CHIC2: variants seen among roughly 807,000 people sequenced by gnomAD.
CHIC2 encodes the protein cysteine-rich hydrophobic domain-containing protein 2.
A neutral mutation model predicts 25.9 loss-of-function variants in CHIC2; 14 were observed. The observed-to-expected ratio is 0.54, with a 90% CI of 0.36 to 0.85. CHIC2 has a LOEUF of 0.85. CHIC2 is among the 40% of genes least tolerant of loss of function. CHIC2 has a pLI of 0.01. For synonymous variants in CHIC2, 70 were observed against 72.0 expected (o/e 0.97, Z 0.14); for missense variants, 146 against 202.0 (o/e 0.72, Z 1.68).
At chr4:54,053,961 T>C (rs1438620543) in intron 1 of CHIC2, among the ~76,000 whole-genome samples, 1 of 152,138 alleles carries the variant, frequency 6.6e-6, no homozygotes, top group African/African-American at 2.4e-5. Context: ...GGGCTAATTT[T>C]TGTATTTTTA....
intron 3 of CHIC2, among the ~76,000 whole-genome samples, chr4:54,036,857 A>ATTT (rs1166026903): frequency 6.6e-6 from 1 of 151,674 alleles, no homozygotes; most frequent in East Asian, 1.9e-4. Flanking sequence ...CCACTCAGGA[A>ATTT]TTTTTACTCA....
intron 3 of CHIC2, among the ~76,000 whole-genome samples, chr4:54,027,314 T>C (rs1275306483): frequency 1.3e-5 from 2 of 152,194 alleles, no homozygotes; most frequent in African/African-American, 2.4e-5. Flanking sequence ...TTCTAGCATA[T>C]CTTTACAGTG....
intron 3 of CHIC2, among the ~76,000 whole-genome samples, chr4:54,042,715 A>T (rs1716616986): frequency 6.6e-6 from 1 of 152,164 alleles, no homozygotes; most frequent in Admixed American, 6.5e-5. Context: ...GGATCCAGAG[A>T]CGAAAAAATG....
chr4:54,056,812 A>AT (rs1206126574), intron 1 of CHIC2, among the ~76,000 whole-genome samples: 1 of 152,144 alleles, frequency 6.6e-6, no homozygotes, highest in African/African-American at 2.4e-5. Context: ...AAAAAACACA[A>AT]TTTTTTTCCT....
chr4:54,031,794 A>AT (rs1295818522), intron 3 of CHIC2, among the ~76,000 whole-genome samples: 2 of 151,684 alleles, frequency 1.3e-5, no homozygotes, highest in East Asian at 3.9e-4. Context: ...TAATTTTTGT[A>AT]TTTTTAGTAG....
intron 1 of CHIC2, chr4:54,061,057 G>T (rs1182180696): frequency 6.6e-6 from 1 of 152,064 alleles, no homozygotes; most frequent in Non-Finnish European, 1.5e-5. Flanking sequence ...TGTCAGAAAA[G>T]AATACTGATC....
At chr4:54,052,060 TTTC>T (rs1193591856) in intron 1 of CHIC2, among the ~76,000 whole-genome samples, 10 of 152,186 alleles carry the variant, frequency 6.6e-5, no homozygotes, top group East Asian at 1.9e-4. Flanking sequence ...AATGTCAGAA[TTTC>T]TTATTTGGCA....
At chr4:54,083,455 A>G in the CHIC2 span, among the ~76,000 whole-genome samples, 1 of 152,112 alleles carries the variant, frequency 6.6e-6, no homozygotes, top group African/African-American at 2.4e-5. Context: ...CATTCACTCT[A>G]TCTACAGTCT....
At chr4:54,044,243 A>G (rs1395495649) in intron 3 of CHIC2, among the ~76,000 whole-genome samples, 3 of 152,210 alleles carry the variant, frequency 2.0e-5, no homozygotes, top group East Asian at 1.9e-4. Context: ...ACAGATCAAC[A>G]AGACAGAAAG....
chr4:54,048,697 C>T (rs1560394798), intron 3 of CHIC2: 1 of 256,262 alleles, frequency 3.9e-6, no homozygotes, highest in East Asian at 7.3e-5. Context: ...TACCACACCA[C>T]TGTCAATGTA....
rs193267039 is a variant in CHIC2 at position 54,040,471 on chromosome 4, C to T, written c.330+8484G>A. Among the ~76,000 whole-genome samples, 694 of 151,948 alleles carry T rather than the reference C, an allele frequency of 4.6e-3. 5 individuals are homozygous for T. Among genetic ancestry groups the T allele is most frequent in the African/African-American group, 0.015 (629 of 41,460 alleles). The stretch of plus-strand genomic sequence containing the variant: ...ATCTCAGCACTTTGGGAGGCCGAAG[C>T]GGGCAGATCACCTGAGGTCAGGAGT... On this transcript the variant is annotated intron_variant, in intron 3 of 5. Transcript: ENST00000263921.
chr4:54,074,991 GT>G, the CHIC2 span, among the ~76,000 whole-genome samples: 1 of 152,104 alleles, frequency 6.6e-6, no homozygotes, highest in Non-Finnish European at 1.5e-5. Context: ...TGCACCTGTA[GT>G]CCCAGCTACT....
At chr4:54,042,465 C>T (rs1716607764) in intron 3 of CHIC2, among the ~76,000 whole-genome samples, 1 of 152,122 alleles carries the variant, frequency 6.6e-6, no homozygotes, top group African/African-American at 2.4e-5. Context: ...ACACCGTACA[C>T]ACTGCAACAT....
At chr4:54,049,209 T>A in intron 2 of CHIC2, 42 bp downstream of exon 2, 1 of 1,570,464 alleles carries the variant, frequency 6.4e-7, no homozygotes, top group Non-Finnish European at 8.7e-7. Flanking sequence ...AAAAAAACTT[T>A]CATTTTGAGG....
Position 54,013,902 on chromosome 4 carries a change from C to A in CHIC2, c.388-6G>T. On this transcript the variant is annotated splice_polypyrimidine_tract_variant and splice_region_variant and intron_variant, in intron 4 of 5. Coordinates refer to ENST00000263921, the MANE Select transcript of CHIC2 (RefSeq NM_012110.4). ...AGTCTCCAATGCAAGCACAGCTAGA[C>A]AAGTAGGAAAGTAAAAGAAGAAAAA... 6.2e-7 allele frequency: 1 copy of A among 1,613,178 alleles called. No individual in the cohort carries two copies. Among genetic ancestry groups the A allele is most frequent in the Non-Finnish European group, 8.5e-7 (1 of 1,179,386 alleles).
chr4:54,086,925 A>G, the CHIC2 span: 1 of 652,112 alleles, frequency 1.5e-6, no homozygotes, highest in Non-Finnish European at 2.8e-6. Flanking sequence ...AAAAGGGTTG[A>G]ATGAGTTCCA....
Position 54,010,106 on chromosome 4 carries a change from G to C in CHIC2, c.487C>G (p.Arg163Gly). Reference sequence around the variant, plus strand: ...AAATAAAGTAAATGCTAATCTGGTCGAAAAATCGGTGTCTTTGGTAAAAAT... The same window carrying C: ...AAATAAAGTAAATGCTAATCTGGTCCAAAAATCGGTGTCTTTGGTAAAAAT... ...IEFLPKTPIFRPD is the reference protein window; with the variant it reads ...IEFLPKTPIFGPD The change falls in exon 6 of 6, where the codon CGA becomes GGA. Residue 163 changes from arginine to glycine, a missense_variant. By Grantham distance (125) the Arg-to-Gly change is moderately radical. Transcript: ENST00000263921. 6.2e-7 allele frequency: 1 copy of C among 1,605,120 alleles called. No individual in the cohort carries two copies. Among genetic ancestry groups the C allele is most frequent in the Admixed American group, 1.7e-5 (1 of 59,876 alleles).
chr4:54,024,977 G>A (rs190977524), intron 3 of CHIC2, among the ~76,000 whole-genome samples: 103 of 151,822 alleles, frequency 6.8e-4, no homozygotes, highest in African/African-American at 1.9e-3. Context: ...TTCCCACGCC[G>A]CCCCTAATCC....
At chr4:54,082,632 TA>T in the CHIC2 span, among the ~76,000 whole-genome samples, 1 of 152,216 alleles carries the variant, frequency 6.6e-6, no homozygotes, top group Non-Finnish European at 1.5e-5. Context: ...CTCATATTCA[TA>T]CCAGTCGTTT....
Sources: gnomAD v4.1 joint callset for allele counts (sites outside exome capture counted in the v4.1 genomes callset) on GRCh38, gnomAD v4.1.1 for gene constraint, MANE v1.5 for transcripts, NCBI Gene and HGNC (gene_info 2026-07-23, HGNC 2026-07-21) for gene names.